The following NFATC3 variants were observed in gnomAD, a reference collection of about 807,000 sequenced individuals.
NFATC3 encodes nuclear factor of activated T-cells, cytoplasmic 3.
In NFATC3, 46 loss-of-function variants were observed where a neutral mutation model predicts 98.6. The observed-to-expected ratio is 0.47, with a 90% CI of 0.37 to 0.60. NFATC3 has a LOEUF of 0.60. NFATC3 is among the 20% of genes least tolerant of loss of function. The pLI, the probability that NFATC3 is intolerant of heterozygous loss-of-function variation, is 0.00. For synonymous variants in NFATC3, 512 were observed against 472.2 expected, an observed-to-expected ratio of 1.08 and a Z score of -1.09; for missense variants, 1,256 against 1,295.5, an observed-to-expected ratio of 0.97 and a Z score of 0.47.
At chr16:68,206,889 G>A (rs1437887016) in intron 9 of NFATC3, among the ~76,000 whole-genome samples, 1 of 150,556 alleles carries the variant, frequency 6.6e-6, no homozygotes, top group African/African-American at 2.4e-5. Context: ...AGGCTGAGAT[G>A]AGAGGATCAC....
intron 5 of NFATC3, among the ~76,000 whole-genome samples, chr16:68,167,638 G>C (rs1437188079): frequency 1.3e-5 from 2 of 151,888 alleles, no homozygotes; most frequent in African/African-American, 4.8e-5. Flanking sequence ...ACATAATTTA[G>C]AATATTCTGA....
At chr16:68,107,711 A>T (rs888946899) in intron 1 of NFATC3, among the ~76,000 whole-genome samples, 3 of 152,018 alleles carry the variant, frequency 2.0e-5, no homozygotes, top group Admixed American at 1.3e-4. Context: ...CGACAGAGTG[A>T]GACACTGTAT....
intron 1 of NFATC3, among the ~76,000 whole-genome samples, chr16:68,105,420 T>C (rs1211457134): frequency 6.6e-6 from 1 of 152,102 alleles, no homozygotes; most frequent in Non-Finnish European, 1.5e-5. Context: ...TCTATTAATA[T>C]GGTATATTAT....
intron 9 of NFATC3, among the ~76,000 whole-genome samples, chr16:68,199,083 A>T (rs912858303): frequency 1.3e-5 from 2 of 149,516 alleles, no homozygotes; most frequent in African/African-American, 4.9e-5. Context: ...GATCATGGTG[A>T]TGTGTGCCTA....
intron 6 of NFATC3, among the ~76,000 whole-genome samples, chr16:68,176,362 T>C (rs900999917): frequency 2.6e-5 from 4 of 152,098 alleles, no homozygotes; most frequent in African/African-American, 9.7e-5. Flanking sequence ...TTTTTTTTTT[T>C]TTCTGTTTTT....
chr16:68,159,123 T>C (rs2038760362), intron 4 of NFATC3, among the ~76,000 whole-genome samples: 1 of 152,136 alleles, frequency 6.6e-6, no homozygotes, highest in Non-Finnish European at 1.5e-5. Flanking sequence ...TCCCAGCTAC[T>C]TGGGAGACTG....
At chr16:68,087,114 G>T (rs1247548416) in intron 1 of NFATC3, among the ~76,000 whole-genome samples, 1 of 152,236 alleles carries the variant, frequency 6.6e-6, no homozygotes. Context: ...TTTGTGGAGA[G>T]TGTAGCATTG....
chr16:68,179,308 G>A (rs999747486), intron 6 of NFATC3, among the ~76,000 whole-genome samples: 2 of 152,060 alleles, frequency 1.3e-5, no homozygotes, highest in East Asian at 1.9e-4. Context: ...AACTGTTTGC[G>A]TTTGCCTTTC....
chr16:68,093,136 CTT>C (rs2034819802), intron 1 of NFATC3, among the ~76,000 whole-genome samples: 3 of 152,186 alleles, frequency 2.0e-5, no homozygotes, highest in African/African-American at 7.2e-5. Context: ...TTATTCATCT[CTT>C]TTCAGTCCCA....
intron 9 of NFATC3, among the ~76,000 whole-genome samples, chr16:68,205,470 C>T (rs930338156): frequency 2.6e-5 from 4 of 152,048 alleles, no homozygotes; most frequent in Admixed American, 6.6e-5. Context: ...AGGTTGGTCT[C>T]GGCCTCCCAA....
At chr16:68,170,644 C>T (rs1168147201) in intron 5 of NFATC3, among the ~76,000 whole-genome samples, 1 of 151,608 alleles carries the variant, frequency 6.6e-6, no homozygotes, top group Non-Finnish European at 1.5e-5. Flanking sequence ...AGGTGCCCAC[C>T]ACCACACACA....
intron 1 of NFATC3, chr16:68,088,955 A>T (rs1001845366): frequency 1.0e-6 from 1 of 985,160 alleles, no homozygotes; most frequent in Non-Finnish European, 1.2e-6. Flanking sequence ...GAGCCACTGC[A>T]CATAGCCCCT....
In NFATC3 at chr16:68,122,408, G is replaced by T. The variant is rs1381348097; in HGVS notation, c.525G>T (p.Trp175Cys). 6.2e-7 allele frequency: 1 copy of T among 1,614,160 alleles called. No individual in the cohort carries two copies. Among genetic ancestry groups the T allele is most frequent in the Admixed American group, 1.7e-5 (1 of 60,022 alleles). Residue 175 changes from tryptophan to cysteine, a missense_variant, in exon 2 of 10, where the codon TGG becomes TGT. Physicochemically the swap from Trp to Cys is radical, Grantham distance 215. Coordinates refer to ENST00000346183, the MANE Select transcript of NFATC3 (RefSeq NM_173165.3). ...CCAGCAGCATCTCTTCTAGGAGTTG[G>T]TTCTCTGATGCATCTTCTTGTGAAT... is the stretch of plus-strand genomic sequence containing the variant. ...SPASSISSRSWFSDASSCESL... is the reference protein window; with the variant it reads ...SPASSISSRSCFSDASSCESL...
chr16:68,087,854 T>A (rs1482247425), intron 1 of NFATC3, among the ~76,000 whole-genome samples: 1 of 152,192 alleles, frequency 6.6e-6, no homozygotes, highest in South Asian at 2.1e-4. Context: ...CTGAATAATA[T>A]TCCATCGTGT....
intron 9 of NFATC3, among the ~76,000 whole-genome samples, chr16:68,208,997 A>G (rs2041263735): frequency 6.6e-6 from 1 of 152,094 alleles, no homozygotes; most frequent in African/African-American, 2.4e-5. Context: ...TTTCTAACCT[A>G]ATTGCTCTGG....
chr16:68,091,026 A>T (rs1405431738), intron 1 of NFATC3, among the ~76,000 whole-genome samples: 1 of 152,212 alleles, frequency 6.6e-6, no homozygotes, highest in Non-Finnish European at 1.5e-5. Context: ...GTGTTTCAGC[A>T]AGTATGGGGA....
intron 9 of NFATC3, among the ~76,000 whole-genome samples, chr16:68,195,668 C>CCTG (rs2040634727): frequency 6.8e-6 from 1 of 147,944 alleles, no homozygotes; most frequent in Admixed American, 6.8e-5. Context: ...ACTAGCCGGG[C>CCTG]GTGGTGGTGG....
rs540308811 is a variant in NFATC3 at position 68,112,368 on chromosome 16, C to T, written c.104-9619C>T. 7.4e-4 allele frequency among the ~76,000 whole-genome samples: 109 copies of T among 147,278 alleles called. 2 individuals are homozygous for T. The highest frequency in any genetic ancestry group is 7.5e-4 in the Admixed American group (11 of 14,598). On this transcript the variant is annotated intron_variant, in intron 1 of 9. Coordinates refer to ENST00000346183, the MANE Select transcript of NFATC3 (RefSeq NM_173165.3). ...TCTTGGCTTACTGCAACCTCCACCT[C>T]CTGGGTTCAAGCGATCCTTCTGCCT...
At chr16:68,212,233 A>C (rs2041438793) in intron 9 of NFATC3, among the ~76,000 whole-genome samples, 1 of 152,226 alleles carries the variant, frequency 6.6e-6, no homozygotes, top group Non-Finnish European at 1.5e-5. Context: ...AAACAAGCTT[A>C]AGTCAGAAAA....
Sources: gnomAD v4.1 joint callset for allele counts (sites outside exome capture counted in the v4.1 genomes callset) on GRCh38, gnomAD v4.1.1 for gene constraint, MANE v1.5 for transcripts, NCBI Gene and HGNC (gene_info 2026-07-23, HGNC 2026-07-21) for gene names.